CAND2: variants seen among roughly 807,000 people sequenced by gnomAD.
CAND2 encodes cullin-associated NEDD8-dissociated protein 2.
Under a neutral mutation model 98.9 loss-of-function variants are expected in CAND2, and 62 were observed. That is an observed-to-expected ratio of 0.63 (90% CI 0.51 to 0.77). CAND2 has a LOEUF of 0.77. CAND2 is among the 30% of genes least tolerant of loss of function. The pLI is 0.00. For missense variants in CAND2, 1,501 were observed against 1,655.2 expected (o/e 0.91, Z 1.62); for synonymous variants, 770 against 731.9 (o/e 1.05, Z -0.84).
intron 13 of CAND2, among the ~76,000 whole-genome samples, chr3:12,828,706 C>CGTGA (rs2062025784): frequency 1.3e-5 from 2 of 152,170 alleles, no homozygotes; most frequent in South Asian, 4.1e-4. Context: ...GCGGTGCAGC[C>CGTGA]GTCACCACTG....
At chr3:12,819,178 A>C (rs1418248016) in intron 10 of CAND2, among the ~76,000 whole-genome samples, 2 of 152,200 alleles carry the variant, frequency 1.3e-5, no homozygotes, top group Non-Finnish European at 2.9e-5. Flanking sequence ...GCCTGTCTTC[A>C]TCAGCCACCC....
chr3:12,804,302 TAAAA>T (rs1047687348), intron 2 of CAND2, among the ~76,000 whole-genome samples: 1 of 144,950 alleles, frequency 6.9e-6, no homozygotes, highest in Non-Finnish European at 1.5e-5. Context: ...AAATAATAAT[TAAAA>T]AAAAAAAGTT....
rs144870543 is a variant in CAND2 at position 12,813,058 on chromosome 3, G to A, written c.826G>A (p.Glu276Lys). 23 of 1,583,584 alleles carry A rather than the reference G, an allele frequency of 1.5e-5. No individual in the cohort carries two copies. Among genetic ancestry groups the A allele is most frequent in the Non-Finnish European group, 2.0e-5 (23 of 1,165,412 alleles). ...CAACCTGGATGATGATGAGCTCCGG[G>A]AGTCCTGCCTCCAGGCTTTTGAGGC... is the stretch of plus-strand genomic sequence containing the variant. ...FCNLDDDELR[E>K]SCLQAFEAFL... is the part of the protein sequence containing the mutation. The change falls in exon 6 of 15, where the codon GAG (glutamate) becomes AAG (lysine). Residue 276 changes from glutamate (E) to lysine (K), a missense_variant. Transcript: ENST00000456430.
At chr3:12,810,602 C>T (rs1201228421) in intron 5 of CAND2, among the ~76,000 whole-genome samples, 1 of 152,202 alleles carries the variant, frequency 6.6e-6, no homozygotes, top group Non-Finnish European at 1.5e-5. Context: ...GGCCTGAGCC[C>T]CTGCTGAGTG....
intron 13 of CAND2, among the ~76,000 whole-genome samples, chr3:12,831,165 C>T (rs571736769): frequency 3.4e-4 from 52 of 152,164 alleles, no homozygotes; most frequent in Non-Finnish European, 7.2e-4. Flanking sequence ...GCCAGAGCTG[C>T]CCCAGCAGCC....
At chr3:12,806,706 T>C (rs1441362919) in intron 2 of CAND2, among the ~76,000 whole-genome samples, 2 of 152,228 alleles carry the variant, frequency 1.3e-5, no homozygotes, top group African/African-American at 4.8e-5. Context: ...TACACTTTCC[T>C]GTGCATTGGA....
chr3:12,829,594 C>T (rs2062036905), intron 13 of CAND2, among the ~76,000 whole-genome samples: 1 of 152,108 alleles, frequency 6.6e-6, no homozygotes, highest in African/African-American at 2.4e-5. Context: ...TAATAATCAC[C>T]CAAAAGCTTC....
chr3:12,829,003 G>A (rs181185217), intron 13 of CAND2, among the ~76,000 whole-genome samples: 31 of 152,278 alleles, frequency 2.0e-4, no homozygotes, highest in African/African-American at 5.8e-4. Flanking sequence ...TGAGTAATGC[G>A]ACTGTGAACC....
chr3:12,812,219 A>ATATTTTTTTTTTTT (rs1575768881), intron 5 of CAND2, among the ~76,000 whole-genome samples: 2 of 45,660 alleles, frequency 4.4e-5, no homozygotes, highest in African/African-American at 1.1e-4. Context: ...TAAGCTGTTT[A>ATATTTTTTTTTTTT]TCTTTTTTTT....
At position 12,810,693 on chromosome 3, in the gene CAND2, C is replaced by A. The variant is rs563021783; in HGVS notation, c.757+369C>A. 7.2e-5 allele frequency among the ~76,000 whole-genome samples: 11 copies of A among 152,352 alleles called. No individual in the cohort carries two copies. The South Asian group carries it at 2.3e-3, about 32-fold the overall frequency. On this transcript the variant is annotated intron_variant, in intron 5 of 14. Transcript: ENST00000456430. ...TGGTAATTACAATTTTAAGTCATGCCACTAAACTGTTAGACTATGTTCTCT... is the reference window on the plus strand; with the variant it reads ...TGGTAATTACAATTTTAAGTCATGCAACTAAACTGTTAGACTATGTTCTCT...
chr3:12,809,538 T>C (rs928285782), intron 4 of CAND2, among the ~76,000 whole-genome samples: 2 of 152,234 alleles, frequency 1.3e-5, no homozygotes, highest in East Asian at 3.9e-4. Context: ...AAGGTGTGGA[T>C]AGAAGCTGCT....
chr3:12,815,007 G>A lies in CAND2; in HGVS notation c.1007-134G>A, dbSNP rs942398295. On this transcript the variant is annotated intron_variant, in intron 7 of 14. Coordinates refer to ENST00000456430, the MANE Select transcript of CAND2 (RefSeq NM_001162499.2). This position sits in a 1 kb window ranked among gnomAD's most constrained non-coding sequence, Gnocchi z 5.7. The stretch of plus-strand genomic sequence containing the variant: ...TAAAAGGTAGGGAATGTTCCCCATA[G>A]GGTATCTATAAATGCTGATCATCAA... 20 of 812,986 alleles carry A rather than the reference G, an allele frequency of 2.5e-5. No homozygotes were observed. Among genetic ancestry groups the A allele is most frequent in the Admixed American group, 1.1e-4 (4 of 37,078 alleles). 50.4% of individuals were successfully genotyped at this position (812,986 alleles called of 1,614,324 possible). A position where few individuals can be genotyped will look rare whatever the true frequency, so the allele number is the denominator to read the frequency against.
intron 13 of CAND2, among the ~76,000 whole-genome samples, chr3:12,829,699 A>G (rs1297392067): frequency 1.3e-5 from 2 of 152,222 alleles, no homozygotes; most frequent in Non-Finnish European, 2.9e-5. Flanking sequence ...GTGAGTGCCA[A>G]CACGCCAAGG....
chr3:12,833,046 C>A (rs148312362), intron 14 of CAND2, among the ~76,000 whole-genome samples: 2 of 152,324 alleles, frequency 1.3e-5, no homozygotes, highest in Admixed American at 6.5e-5. Flanking sequence ...ATGTAGTTAC[C>A]TGAAGTCACA....
chr3:12,797,086 A>C (rs1575760034), intron 1 of CAND2, among the ~76,000 whole-genome samples: 1 of 138,330 alleles, frequency 7.2e-6, no homozygotes, highest in Admixed American at 7.1e-5. Flanking sequence ...CCCCGGCTCC[A>C]CCCCTCTGCA....
intron 10 of CAND2, among the ~76,000 whole-genome samples, chr3:12,819,194 C>T (rs1173541564): frequency 2.0e-5 from 3 of 152,274 alleles, no homozygotes; most frequent in Non-Finnish European, 4.4e-5. Context: ...CACCCTAAAT[C>T]TTCCTGGGAG....
At chr3:12,796,832 G>A (rs879808109) in intron 1 of CAND2, 44 bp downstream of exon 1, 2 of 1,509,830 alleles carry the variant, frequency 1.3e-6, no homozygotes, top group Non-Finnish European at 1.8e-6. Context: ...CCGCTCTGAA[G>A]CCGGGGGCCT....
Position 12,810,267 on chromosome 3 carries a change from A to G in CAND2, c.700A>G (p.Ile234Val). Residue 234 changes from isoleucine (I) to valine (V), a missense_variant, in exon 5 of 15, where the codon ATC becomes GTC. Ile to Val is a conservative substitution (Grantham distance 29). This residue lies in a region of CAND2 where 1,427 missense variants were observed against 1,545.3 expected (regional missense o/e 0.92). Coordinates refer to ENST00000456430, the MANE Select transcript of CAND2 (RefSeq NM_001162499.2). ...GCGGGTGCCCACCAGCCCGACTGCC[A>G]TCCGCACCCTGATCCAATGTTTGGG... ...GPRVPTSPTA[I>V]RTLIQCLGSV... The G allele has an allele frequency of 6.6e-7, 1 of 1,509,596 alleles. No homozygotes were observed. The highest frequency in any genetic ancestry group is 8.8e-7 in the Non-Finnish European group (1 of 1,130,772). 93.5% of individuals were successfully genotyped at this position (1,509,596 alleles called of 1,614,324 possible). A position where few individuals can be genotyped will look rare whatever the true frequency, so the allele number is the denominator to read the frequency against.
Position 12,815,951 on chromosome 3 carries a change from G to C in CAND2, c.1384G>C (p.Glu462Gln). The C allele has an allele frequency of 1.2e-6, 2 of 1,613,888 alleles. No homozygotes were observed. Among genetic ancestry groups the C allele is most frequent in the South Asian group, 1.1e-5 (1 of 91,080 alleles). ...CCAGGGATGCTTCAGCCTCCTCACC[G>C]AGCTGGCGGGTGTCCTCCCAGGCAG... The part of the protein sequence containing the change: ...ARQGCFSLLT[E>Q]LAGVLPGSLA... The change falls in exon 9 of 15, where the codon GAG becomes CAG. Residue 462 changes from glutamate (E) to glutamine (Q), a missense_variant. Around this residue, in one of 3 missense-constraint regions of CAND2, gnomAD observed 1,427 missense variants for 1,545.3 expected, o/e 0.92. Coordinates refer to ENST00000456430, the MANE Select transcript of CAND2 (RefSeq NM_001162499.2). This position sits in a 1 kb window ranked among gnomAD's most constrained non-coding sequence, Gnocchi z 5.7.
Sources: allele counts gnomAD v4.1 joint callset (sites outside exome capture counted in the v4.1 genomes callset), GRCh38; gene constraint gnomAD v4.1.1; regional missense constraint gnomAD v4.1.1; non-coding constraint Gnocchi (gnomAD v3.1); transcripts MANE v1.5; gene names NCBI Gene and HGNC (gene_info 2026-07-23, HGNC 2026-07-21).